The following ZNF630 variants were observed in gnomAD, a reference collection of about 807,000 sequenced individuals.
ZNF630 encodes zinc finger protein 630, also known as dJ54B20.2 (novel KRAB box containing C2H2 type zinc finger protein).
Under a neutral mutation model 7.2 loss-of-function variants are expected in ZNF630, and 5 were observed. That is an observed-to-expected ratio of 0.70 (90% CI 0.36 to 1.46). The LOEUF (loss-of-function observed/expected upper bound fraction) is 1.46. Ranked by LOEUF, ZNF630 falls within the 40% of genes most tolerant of loss-of-function variation. ZNF630 has a pLI of 0.03. For missense variants in ZNF630, 461 were observed against 477.0 expected (o/e 0.97, Z 0.31); for synonymous variants, 158 against 162.8 (o/e 0.97, Z 0.23).
chrX:48,058,390 A>G lies in ZNF630; in HGVS notation c.*78T>C. The G allele has an allele frequency of 1.0e-6, 1 of 989,722 alleles. No homozygotes were observed. 81.6% of individuals were successfully genotyped at this position (989,722 alleles called of 1,213,427 possible). A position where few individuals can be genotyped will look rare whatever the true frequency, so the allele number is the denominator to read the frequency against. ...ATATTAGTCTATTCTACAGTTGAGA[A>G]GTTGTCACTATTTCTATTCAATGTG... On this transcript the variant is annotated 3_prime_UTR_variant, in exon 5 of 5. Transcript: ENST00000276054.
At position 48,066,934 on chromosome X, in the gene ZNF630, A is replaced by G. The variant is rs1445671291; in HGVS notation, c.-48T>C. 6 of 1,188,553 alleles carry G rather than the reference A, an allele frequency of 5.0e-6. No individual in the cohort carries two copies. The highest frequency in any genetic ancestry group is 6.8e-6 in the Non-Finnish European group (6 of 876,913). On this transcript the variant is annotated 5_prime_UTR_variant, in exon 2 of 5. Transcript: ENST00000276054. ...AGTTGGGGGCGGGGTGGGGTGCAGA[A>G]GAGTCTTCGGAGATCAAGCTGAGTT...
At chrX:48,064,360 A>G (rs782788398) in intron 2 of ZNF630, among the ~76,000 whole-genome samples, 1 of 112,065 alleles carries the variant, frequency 8.9e-6, no homozygotes, top group Admixed American at 9.5e-5. Flanking sequence ...CATTAATTTG[A>G]CAATGTACAT....
intron 2 of ZNF630, among the ~76,000 whole-genome samples, chrX:48,062,340 A>G (rs1200931713): frequency 1.8e-5 from 2 of 112,762 alleles, no homozygotes; most frequent in Non-Finnish European, 3.8e-5. Context: ...CTACAGTACT[A>G]TTTATAATAG....
intron 1 of ZNF630, among the ~76,000 whole-genome samples, chrX:48,069,206 A>T (rs1315419836): frequency 1.9e-5 from 2 of 106,871 alleles, no homozygotes; most frequent in African/African-American, 6.9e-5. Flanking sequence ...ACGCCATTGC[A>T]CTCCAGCCTG....
intron 2 of ZNF630, among the ~76,000 whole-genome samples, chrX:48,065,712 A>G (rs1277091181): frequency 6.3e-5 from 7 of 111,118 alleles, no homozygotes; most frequent in African/African-American, 1.3e-4. Context: ...AGATGGAAAT[A>G]GTACCAATAT....
chrX:48,065,998 C>T (rs2146508509), intron 2 of ZNF630, among the ~76,000 whole-genome samples: 1 of 111,207 alleles, frequency 9.0e-6, no homozygotes, highest in South Asian at 3.7e-4. Context: ...CAAAAGGGTT[C>T]ACTAAAATCT....
rs946960912 is a variant in ZNF630, at chrX:48,067,555, G to A, written c.-175-494C>T. 2.2e-4 allele frequency among the ~76,000 whole-genome samples: 25 copies of A among 112,067 alleles called. 1 individual carries two copies. The highest frequency in any genetic ancestry group is 7.5e-4 in the African/African-American group (23 of 30,821). ...CAGGCCGGGTGCGGTGGGCCAGCAC[G>A]TTGGAAGGCCAAGGCGGGTGGATTG... On this transcript the variant is annotated intron_variant, in intron 1 of 4. Coordinates refer to ENST00000276054, the MANE Select transcript of ZNF630 (RefSeq NM_001282201.2).
At position 48,059,900 on chromosome X, in the gene ZNF630, C is replaced by G. The variant is rs376091572; in HGVS notation, c.542G>C (p.Cys181Ser). The change falls in exon 5 of 5, where the codon TGT becomes TCT. Residue 181 changes from cysteine (C) to serine (S), a missense_variant. Physicochemically the swap from Cys to Ser is moderately radical, Grantham distance 112 (BLOSUM62 -1). Coordinates refer to ENST00000276054, the MANE Select transcript of ZNF630 (RefSeq NM_001282201.2). ...TGAATTAGACTTCAAGCTATTTTCACATGAATCAAACTTATGGAATTTTTG... is the reference window on the plus strand; with the variant it reads ...TGAATTAGACTTCAAGCTATTTTCAGATGAATCAAACTTATGGAATTTTTG... Reference protein sequence around the residue: ...LSQKFHKFDSCENSLKSNSDL... With the variant: ...LSQKFHKFDSSENSLKSNSDL... 5 of 1,206,094 alleles carry G rather than the reference C, an allele frequency of 4.1e-6. No individual in the cohort carries two copies. In the African/African-American group the frequency reaches 8.8e-5, roughly 21 times the overall value.
intron 3 of ZNF630, 78 bp from the exon 4 acceptor site, chrX:48,060,623 C>A: frequency 1.0e-6 from 1 of 978,517 alleles, no homozygotes. Context: ...AGGGGCCTCC[C>A]AGCAAAGTTG....
In ZNF630 at chrX:48,059,245, C is replaced by T. The variant is rs1556908532; in HGVS notation, c.1197G>A (p.Gly399=). 2 of 1,208,282 alleles carry T rather than the reference C, an allele frequency of 1.7e-6. No individual in the cohort carries two copies. The highest frequency in any genetic ancestry group is 2.2e-6 in the Non-Finnish European group (2 of 893,115). Residue 399 remains glycine, a synonymous_variant, in exon 5 of 5, where the codon GGG becomes GGA. Coordinates refer to ENST00000276054, the MANE Select transcript of ZNF630 (RefSeq NM_001282201.2). ...HLFIHQITHT[G]KKPYECTECG... ...ATTCAGTACATTCATAGGGCTTCTT[C>T]CCAGTATGAGTTATCTGGTGTATAA...
intron 2 of ZNF630, among the ~76,000 whole-genome samples, chrX:48,065,416 C>G (rs1374455661): frequency 3.3e-5 from 3 of 91,774 alleles, no homozygotes; most frequent in African/African-American, 1.2e-4. Flanking sequence ...GCCTGGGCAA[C>G]TGGGGTGAAA....
At chrX:48,063,744 C>T (rs1182757051) in intron 2 of ZNF630, among the ~76,000 whole-genome samples, 8 of 110,162 alleles carry the variant, frequency 7.3e-5, no homozygotes, top group Non-Finnish European at 9.5e-5. Context: ...AAAAATTAGC[C>T]GGGCGTGGTG....
Position 48,059,059 on chromosome X carries a change from A to G in ZNF630, c.1383T>C (p.Cys461=). 1 of 1,208,681 alleles carries G rather than the reference A, an allele frequency of 8.3e-7. No homozygotes were observed. Among genetic ancestry groups the G allele is most frequent in the Non-Finnish European group, 1.1e-6 (1 of 893,268 alleles). The stretch of plus-strand genomic sequence containing the variant: ...GGGAAAAGGCCTTCCCACAGTCAGT[A>G]CACACATAAGGTTTTTCTCCTGTAT... ...RIHTGEKPYV[C]TDCGKAFSQK... is the part of the protein sequence containing the mutation. Residue 461 remains cysteine (C), a synonymous_variant, in exon 5 of 5, where the codon TGT becomes TGC. Transcript: ENST00000276054.
intron 2 of ZNF630, among the ~76,000 whole-genome samples, chrX:48,061,264 C>A (rs374022890): frequency 4.5e-5 from 5 of 110,592 alleles, no homozygotes; most frequent in African/African-American, 1.3e-4. Flanking sequence ...AAATTCATGA[C>A]AAAAATTTAA....
intron 3 of ZNF630, 65 bp from the exon 4 acceptor site, chrX:48,060,610 TGCAGG>T: frequency 9.9e-7 from 1 of 1,009,798 alleles, no homozygotes; most frequent in East Asian, 3.1e-5. Flanking sequence ...GAGAAGCACT[TGCAGG>T]GGCCTCCCAG....
At chrX:48,061,579 T>C (rs2059105692) in intron 2 of ZNF630, among the ~76,000 whole-genome samples, 2 of 111,929 alleles carry the variant, frequency 1.8e-5, no homozygotes, top group Non-Finnish European at 3.8e-5. Context: ...ATGGTTGATA[T>C]GGTTTGACTC....
At chrX:48,060,760 G>C in intron 3 of ZNF630, 59 bp downstream of exon 3, 1 of 1,117,425 alleles carries the variant, frequency 8.9e-7, no homozygotes, top group Non-Finnish European at 1.2e-6. Flanking sequence ...GGTATTGACA[G>C]CACTAAAGGA....
At chrX:48,070,395 G>A (rs1387917353) in intron 1 of ZNF630, among the ~76,000 whole-genome samples, 3 of 107,694 alleles carry the variant, frequency 2.8e-5, no homozygotes, top group Non-Finnish European at 3.9e-5. Flanking sequence ...TGTATCACCT[G>A]AGGTCAAGAG....
chrX:48,058,527 G>A lies in ZNF630; in HGVS notation c.1915C>T (p.His639Tyr). ...CSDCGKAFCQHVYFTGHQNPY... is the reference protein window; with the variant it reads ...CSDCGKAFCQYVYFTGHQNPY... ...TTCTGATGCCCAGTAAAGTATACAT[G>A]CTGGCAGAATGCCTTCCCACAGTCA... is the stretch of plus-strand genomic sequence containing the variant. Residue 639 changes from histidine (H) to tyrosine (Y), a missense_variant, in exon 5 of 5, where the codon CAT (histidine) becomes TAT (tyrosine). By Grantham distance (83) the His-to-Tyr change is moderately conservative (BLOSUM62 2). Coordinates refer to ENST00000276054, the MANE Select transcript of ZNF630 (RefSeq NM_001282201.2). The A allele has an allele frequency of 8.3e-7, 1 of 1,205,219 alleles. No individual in the cohort carries two copies. Among genetic ancestry groups the A allele is most frequent in the Non-Finnish European group, 1.1e-6 (1 of 891,816 alleles).
Sources: gnomAD v4.1 joint callset for allele counts (sites outside exome capture counted in the v4.1 genomes callset) on GRCh38, gnomAD v4.1.1 for gene constraint, MANE v1.5 for transcripts, NCBI Gene and HGNC (gene_info 2026-07-23, HGNC 2026-07-21) for gene names.